Variants in SLC3A1 observed in about 807,000 individuals in gnomAD.
SLC3A1 encodes the protein solute carrier family 3 member 1.
In SLC3A1, 78 loss-of-function variants were observed where a neutral mutation model predicts 60.3. The ratio of observed to expected loss-of-function variants is 1.29; its 90% CI spans 1.08 to 1.56. The LOEUF is 1.56. SLC3A1 is among the 40% of genes most tolerant of loss of function. The pLI is 0.00. For missense variants in SLC3A1, 1,172 were observed against 858.9 expected (o/e 1.36, Z -4.56); for synonymous variants, 392 against 307.9 (o/e 1.27, Z -2.86).
chr2:44,300,161 C>G, intron 5 of SLC3A1, 71 bp downstream of exon 5: 2 of 1,448,674 alleles, frequency 1.4e-6, no homozygotes, highest in Non-Finnish European at 1.9e-6. Context: ...TCTTTCTCAG[C>G]CTGAGATACC....
At chr2:44,303,435 C>G (rs564320962) in intron 6 of SLC3A1, among the ~76,000 whole-genome samples, 1 of 151,576 alleles carries the variant, frequency 6.6e-6, no homozygotes, top group South Asian at 2.1e-4. Context: ...AGATGTTTCT[C>G]CACGTTGGCC....
chr2:44,285,699 G>A (rs1671596869), intron 3 of SLC3A1: 2 of 513,496 alleles, frequency 3.9e-6, no homozygotes, highest in Non-Finnish European at 7.8e-6. Context: ...TCACAAACAA[G>A]AGTTTGGATC....
At chr2:44,316,661 C>G (rs1053533614) in intron 9 of SLC3A1, among the ~76,000 whole-genome samples, 14 of 152,098 alleles carry the variant, frequency 9.2e-5, no homozygotes, top group African/African-American at 2.9e-4. Context: ...AGAAAGAAAC[C>G]AAACCTGAAA....
Position 44,312,533 on chromosome 2 carries a change from T to A in SLC3A1, c.1333-53T>A, listed in dbSNP as rs1236347980. The stretch of plus-strand genomic sequence containing the variant: ...TGAACTTTCTGTGAAATAGGGTAAA[T>A]CTTTCAGAAAACTGTGTATACAGCT... On this transcript the variant is annotated intron_variant, in intron 7 of 9. Transcript: ENST00000260649. 5 of 1,586,192 alleles carry A rather than the reference T, an allele frequency of 3.2e-6. No homozygotes were observed. In the African/African-American group the frequency reaches 6.7e-5, roughly 21 times the overall value.
chr2:44,308,521 TGTACAA>T (rs2104377628), intron 7 of SLC3A1, among the ~76,000 whole-genome samples: 1 of 152,326 alleles, frequency 6.6e-6, no homozygotes, highest in East Asian at 1.9e-4. Context: ...TATTTTTCAT[TGTACAA>T]GTCTTAGACT....
chr2:44,308,149 C>G lies in SLC3A1; in HGVS notation c.1332+3811C>G, dbSNP rs141050990. The stretch of plus-strand genomic sequence containing the variant: ...TGAGACCCCGTCTCTAAATGTAAAA[C>G]AAAACAAAAAAAAGAAAATCAGTTG... On this transcript the variant is annotated intron_variant, in intron 7 of 9. Coordinates refer to ENST00000260649, the MANE Select transcript of SLC3A1 (RefSeq NM_000341.4). Among the ~76,000 whole-genome samples, 572 of 151,816 alleles carry G rather than the reference C, an allele frequency of 3.8e-3. 1 individual carries two copies. Among genetic ancestry groups the G allele is most frequent in the African/African-American group, 0.013 (544 of 41,416 alleles).
At chr2:44,288,151 C>T (rs527687074) in intron 4 of SLC3A1, among the ~76,000 whole-genome samples, 43 of 152,022 alleles carry the variant, frequency 2.8e-4, no homozygotes, top group African/African-American at 8.2e-4. Flanking sequence ...CCTCAGCCTC[C>T]GAGTAGCTGG....
intron 9 of SLC3A1, chr2:44,319,184 G>A (rs1030977547): frequency 2.6e-5 from 4 of 152,498 alleles, no homozygotes; most frequent in Non-Finnish European, 2.9e-5. Flanking sequence ...CACATATTGG[G>A]AACCTACCCC....
Position 44,280,888 on chromosome 2 carries a change from T to C in SLC3A1, c.603T>C (p.His201=). ...EDFENLVAAI[H]DKGLKLIIDF... is the part of the protein sequence containing the mutation. Reference sequence around the variant, plus strand: ...TTGAGAATCTGGTTGCAGCCATACATGATAAAGGTAAGTTGAATGGAAAGT... The same window carrying C: ...TTGAGAATCTGGTTGCAGCCATACACGATAAAGGTAAGTTGAATGGAAAGT... Residue 201 remains histidine, a synonymous_variant, in exon 2 of 10, where the codon CAT becomes CAC. Coordinates refer to ENST00000260649, the MANE Select transcript of SLC3A1 (RefSeq NM_000341.4). 1 of 1,614,034 alleles carries C rather than the reference T, an allele frequency of 6.2e-7. No homozygotes were observed. The highest frequency in any genetic ancestry group is 2.2e-5 in the East Asian group (1 of 44,866).
rs1203381260 is a variant in SLC3A1 at position 44,320,965 on chromosome 2, T to C, written c.*326T>C. On this transcript the variant is annotated 3_prime_UTR_variant, in exon 10 of 10. Transcript: ENST00000260649. Reference sequence around the variant, plus strand: ...TATCTTTTCCCTTAAAATGCAGTCATAGAAATTAGAGGATGACTCACTGCC... The same window carrying C: ...TATCTTTTCCCTTAAAATGCAGTCACAGAAATTAGAGGATGACTCACTGCC... 3 of 403,518 alleles carry C rather than the reference T, an allele frequency of 7.4e-6. No individual in the cohort carries two copies. The highest frequency in any genetic ancestry group is 1.4e-5 in the Non-Finnish European group (3 of 220,394). The allele number at this position is 403,518 out of a possible 1,614,324, so 25.0% of individuals were successfully genotyped here. A position where few individuals can be genotyped will look rare whatever the true frequency, so the allele number is the denominator to read the frequency against.
intron 9 of SLC3A1, among the ~76,000 whole-genome samples, chr2:44,316,765 A>G (rs1235515956): frequency 2.6e-5 from 4 of 152,208 alleles, no homozygotes; most frequent in Non-Finnish European, 5.9e-5. Context: ...TCAAAGTTGT[A>G]ATGGAAACGG....
chr2:44,283,393 C>G (rs2104338252), intron 3 of SLC3A1, among the ~76,000 whole-genome samples: 1 of 152,290 alleles, frequency 6.6e-6, no homozygotes, highest in Non-Finnish European at 1.5e-5. Context: ...CAAACATTTA[C>G]AAAATACTTA....
intron 5 of SLC3A1, 130 bp from the exon 6 acceptor site, chr2:44,300,873 C>A: frequency 9.8e-7 from 1 of 1,015,966 alleles, no homozygotes; most frequent in Non-Finnish European, 1.5e-6. Flanking sequence ...TCTCCATCCA[C>A]AAAACCATGT....
intron 4 of SLC3A1, among the ~76,000 whole-genome samples, chr2:44,294,749 A>T (rs909444500): frequency 1.3e-5 from 2 of 152,052 alleles, no homozygotes; most frequent in African/African-American, 4.8e-5. Flanking sequence ...TTTTTCCAAG[A>T]TTTCTGAACA....
chr2:44,291,402 C>T (rs979447356), intron 4 of SLC3A1, among the ~76,000 whole-genome samples: 4 of 152,178 alleles, frequency 2.6e-5, no homozygotes, highest in Non-Finnish European at 4.4e-5. Flanking sequence ...CAGCTGTGCT[C>T]TTCCAGATAC....
intron 7 of SLC3A1, among the ~76,000 whole-genome samples, chr2:44,309,388 G>A (rs892386553): frequency 6.6e-6 from 1 of 152,140 alleles, no homozygotes; most frequent in Non-Finnish European, 1.5e-5. Context: ...TAGCATGTAT[G>A]AGATCTTACT....
chr2:44,318,184 G>C (rs1455206999), intron 9 of SLC3A1: 1 of 419,740 alleles, frequency 2.4e-6, no homozygotes, highest in Admixed American at 2.7e-5. Flanking sequence ...TCTGCTTCCT[G>C]GGTTCAAGTG....
At chr2:44,300,573 AAC>A (rs1226513553) in intron 5 of SLC3A1, among the ~76,000 whole-genome samples, 1 of 152,238 alleles carries the variant, frequency 6.6e-6, no homozygotes, top group Non-Finnish European at 1.5e-5. Context: ...GAGAAAGTAT[AAC>A]AGTTAGGAGA....
At chr2:44,305,161 ATTACT>A (rs1672121561) in intron 7 of SLC3A1, among the ~76,000 whole-genome samples, 1 of 152,118 alleles carries the variant, frequency 6.6e-6, no homozygotes, top group African/African-American at 2.4e-5. Flanking sequence ...CTGGCAATAC[ATTACT>A]TCAGTGAAGA....
Sources: gnomAD v4.1 joint callset for allele counts (sites outside exome capture counted in the v4.1 genomes callset) on GRCh38, gnomAD v4.1.1 for gene constraint, MANE v1.5 for transcripts, NCBI Gene and HGNC (gene_info 2026-07-23, HGNC 2026-07-21) for gene names.